The following GUCY1A2 variants were observed in gnomAD, a reference collection of about 807,000 sequenced individuals.
GUCY1A2 encodes guanylate cyclase soluble subunit alpha-2.
Under a neutral mutation model 63.5 loss-of-function variants are expected in GUCY1A2, and 27 were observed. The observed-to-expected ratio is 0.43, with a 90% CI of 0.31 to 0.59. The LOEUF (loss-of-function observed/expected upper bound fraction) is 0.59, where lower values mean the gene tolerates loss of function less well. Among genes scored for constraint, GUCY1A2 ranks in the 20% least tolerant of loss-of-function variants. The pLI is 0.11. For missense variants in GUCY1A2, 768 were observed against 913.3 expected (o/e 0.84, Z 2.05); for synonymous variants, 364 against 343.5 (o/e 1.06, Z -0.66).
intron 4 of GUCY1A2, among the ~76,000 whole-genome samples, chr11:106,823,675 A>G (rs1239700490): frequency 6.6e-6 from 1 of 152,080 alleles, no homozygotes; most frequent in African/African-American, 2.4e-5. Flanking sequence ...GGCTGAACTA[A>G]TTTACATTCC....
In GUCY1A2 at chr11:107,011,062, G is replaced by A. The variant is rs187753130; in HGVS notation, c.303+6691C>T. ...GCATTTTATTGAACAACCATACTATGCTAAACACAAGTTAAACATAAGAAT... is the reference window on the plus strand; with the variant it reads ...GCATTTTATTGAACAACCATACTATACTAAACACAAGTTAAACATAAGAAT... On this transcript the variant is annotated intron_variant, in intron 1 of 7. Coordinates refer to ENST00000526355, the MANE Select transcript of GUCY1A2 (RefSeq NM_000855.3). Among the ~76,000 whole-genome samples the A allele has an allele frequency of 3.7e-4, 57 of 152,214 alleles. 1 individual carries two copies. The highest frequency in any genetic ancestry group is 1.3e-3 in the African/African-American group (53 of 41,524).
At chr11:107,007,732 C>T (rs932732418) in intron 1 of GUCY1A2, among the ~76,000 whole-genome samples, 1 of 152,132 alleles carries the variant, frequency 6.6e-6, no homozygotes, top group Non-Finnish European at 1.5e-5. Flanking sequence ...CCTCCCTGTG[C>T]CACTATTGTG....
chr11:107,013,149 C>A (rs1861771756), intron 1 of GUCY1A2, among the ~76,000 whole-genome samples: 1 of 152,126 alleles, frequency 6.6e-6, no homozygotes, highest in South Asian at 2.1e-4. Context: ...TGAACAACTC[C>A]ACAGGTCAGT....
rs1317078249 is a variant in GUCY1A2 at position 106,799,398 on chromosome 11, T to G, written c.1692+10595A>C. Among the ~76,000 whole-genome samples the G allele has an allele frequency of 2.0e-5, 3 of 152,080 alleles. No individual in the cohort carries two copies. The East Asian group carries it at 5.8e-4, about 29-fold the overall frequency. ...CTTCACAGAATTGGAAAAAACTACT[T>G]TAAAGTTCATATGGAACCAAAAGAG... On this transcript the variant is annotated intron_variant, in intron 5 of 7. Transcript: ENST00000526355.
intron 4 of GUCY1A2, among the ~76,000 whole-genome samples, chr11:106,901,161 A>C (rs892049405): frequency 6.6e-6 from 1 of 152,168 alleles, no homozygotes; most frequent in Admixed American, 6.5e-5. Context: ...CAACGTTCAC[A>C]CATCTTTACC....
At chr11:106,746,462 A>G in intron 6 of GUCY1A2, 1 of 646,900 alleles carries the variant, frequency 1.5e-6, no homozygotes, top group Non-Finnish European at 2.7e-6. Context: ...GAATAAATGA[A>G]TAAGGATTAT....
At chr11:106,711,725 C>T (rs1318714544) in intron 6 of GUCY1A2, among the ~76,000 whole-genome samples, 2 of 152,146 alleles carry the variant, frequency 1.3e-5, no homozygotes, top group Non-Finnish European at 2.9e-5. Context: ...ATACTGTAGG[C>T]CCACTGATAA....
intron 3 of GUCY1A2, among the ~76,000 whole-genome samples, chr11:106,957,750 T>A (rs935344229): frequency 6.6e-6 from 1 of 151,792 alleles, no homozygotes; most frequent in Non-Finnish European, 1.5e-5. Flanking sequence ...CCAAAAAAAA[T>A]GGTCACTTTT....
chr11:106,829,088 T>C (rs1480693653), intron 4 of GUCY1A2, among the ~76,000 whole-genome samples: 1 of 152,222 alleles, frequency 6.6e-6, no homozygotes, highest in Non-Finnish European at 1.5e-5. Context: ...AAGAGTCTGC[T>C]CGACGAACAA....
chr11:106,775,177 G>A (rs1243208187), intron 6 of GUCY1A2, among the ~76,000 whole-genome samples: 1 of 151,960 alleles, frequency 6.6e-6, no homozygotes, highest in Non-Finnish European at 1.5e-5. Flanking sequence ...TTTATCATTA[G>A]GAAATTCTGA....
At chr11:106,838,787 A>T (rs977756405) in intron 4 of GUCY1A2, among the ~76,000 whole-genome samples, 1 of 152,024 alleles carries the variant, frequency 6.6e-6, no homozygotes, top group African/African-American at 2.4e-5. Flanking sequence ...TTTTTTGAGA[A>T]GTGTCTGTTC....
chr11:106,862,126 T>C (rs1565312927), intron 4 of GUCY1A2, among the ~76,000 whole-genome samples: 1 of 151,980 alleles, frequency 6.6e-6, no homozygotes, highest in East Asian at 1.9e-4. Context: ...CCCACCCCAC[T>C]AATAGGTTTA....
chr11:106,913,630 A>G (rs183504038), intron 4 of GUCY1A2, among the ~76,000 whole-genome samples: 25 of 152,228 alleles, frequency 1.6e-4, no homozygotes, highest in Admixed American at 1.6e-3. Flanking sequence ...AACCATATTC[A>G]AACTATAGCA....
chr11:106,907,971 G>C (rs1464375994), intron 4 of GUCY1A2, among the ~76,000 whole-genome samples: 1 of 152,038 alleles, frequency 6.6e-6, no homozygotes, highest in Non-Finnish European at 1.5e-5. Flanking sequence ...GCAGATTTCT[G>C]CAAATGAAAA....
At chr11:106,902,978 G>A (rs529263712) in intron 4 of GUCY1A2, among the ~76,000 whole-genome samples, 2 of 152,204 alleles carry the variant, frequency 1.3e-5, no homozygotes, top group African/African-American at 4.8e-5. Flanking sequence ...GACAGTACAT[G>A]CCTCTTGATT....
intron 4 of GUCY1A2, among the ~76,000 whole-genome samples, chr11:106,868,334 C>G (rs1310416883): frequency 2.0e-5 from 3 of 152,060 alleles, no homozygotes; most frequent in African/African-American, 7.2e-5. Context: ...TTGCAGATGA[C>G]TTGATTGTAT....
chr11:106,774,295 C>G (rs2135400869), intron 6 of GUCY1A2, among the ~76,000 whole-genome samples: 1 of 152,098 alleles, frequency 6.6e-6, no homozygotes. Context: ...CCACACCTGG[C>G]TAATTTTTTG....
intron 4 of GUCY1A2, among the ~76,000 whole-genome samples, chr11:106,816,966 GA>G (rs1002320923): frequency 1.3e-5 from 2 of 149,996 alleles, no homozygotes; most frequent in South Asian, 2.1e-4. Flanking sequence ...AAAGTTTTTT[GA>G]AAAAAAAATC....
chr11:106,759,650 A>G (rs1000894292), intron 6 of GUCY1A2, among the ~76,000 whole-genome samples: 1 of 152,200 alleles, frequency 6.6e-6, no homozygotes, highest in Non-Finnish European at 1.5e-5. Context: ...AAAAGGAGAA[A>G]TGGCCAGGTG....
Sources: allele counts gnomAD v4.1 joint callset (sites outside exome capture counted in the v4.1 genomes callset), GRCh38; gene constraint gnomAD v4.1.1; transcripts MANE v1.5; gene names NCBI Gene and HGNC (gene_info 2026-07-23, HGNC 2026-07-21).